Variants in ZNF566 observed in about 807,000 individuals in gnomAD.
ZNF566 encodes zinc finger protein 566.
In ZNF566, 27 loss-of-function variants were observed where a neutral mutation model predicts 32.8. That is an observed-to-expected ratio of 0.82 (90% confidence interval 0.61 to 1.14). The LOEUF (loss-of-function observed/expected upper bound fraction) is 1.14. ZNF566 is among the 50% of genes most tolerant of loss of function. The probability of loss-of-function intolerance (pLI) is 0.00; values close to 1 mark genes in which losing one functional copy is unlikely to be tolerated. For missense variants in ZNF566, 402 were observed against 490.4 expected (o/e 0.82, Z 1.70); for synonymous variants, 154 against 159.5 (o/e 0.97, Z 0.26).
intron 1 of ZNF566, among the ~76,000 whole-genome samples, chr19:36,477,418 T>G (rs2033915746): frequency 6.6e-6 from 1 of 152,186 alleles, no homozygotes; most frequent in East Asian, 1.9e-4. Flanking sequence ...ATATGTCATT[T>G]TACCTGTATA....
chr19:36,448,004 CT>C lies in ZNF566; in HGVS notation c.*972del, dbSNP rs1347653097. The C allele has an allele frequency of 2.6e-5, 4 of 152,074 alleles. No homozygotes were observed. The highest frequency in any genetic ancestry group is 9.7e-5 in the African/African-American group (4 of 41,428). 9.4% of individuals were successfully genotyped at this position (152,074 alleles called of 1,614,324 possible). ...GCACAATTCTAAGCACTTTATCGAT[CT>C]TAATTCATTTAATCCTCACAAAGCA... On this transcript the variant is annotated 3_prime_UTR_variant, in exon 5 of 5. Transcript: ENST00000452939.
Position 36,449,517 on chromosome 19 carries a change from G to C in ZNF566, c.717C>G (p.Gly239=). Residue 239 remains glycine (G), a synonymous_variant, in exon 5 of 5, where the codon GGC becomes GGG. Coordinates refer to ENST00000452939, the MANE Select transcript of ZNF566 (RefSeq NM_001145344.1). ...CKECGKTFIC[G]SDLTRHHRIH... Reference sequence around the variant, plus strand: ...TTCTGTGATGTCGAGTAAGGTCTGAGCCACAAATAAAGGTTTTTCCACATT... The same window carrying C: ...TTCTGTGATGTCGAGTAAGGTCTGACCCACAAATAAAGGTTTTTCCACATT... 1 of 1,614,092 alleles carries C rather than the reference G, an allele frequency of 6.2e-7. No homozygotes were observed. The highest frequency in any genetic ancestry group is 8.5e-7 in the Non-Finnish European group (1 of 1,180,008).
At chr19:36,474,893 A>G (rs1375957321) in intron 2 of ZNF566, among the ~76,000 whole-genome samples, 1 of 152,220 alleles carries the variant, frequency 6.6e-6, no homozygotes, top group Non-Finnish European at 1.5e-5. Context: ...TTTTGCCTTT[A>G]GAAATTCAGG....
At chr19:36,482,735 C>A (rs1161569293) in intron 1 of ZNF566, among the ~76,000 whole-genome samples, 1 of 152,180 alleles carries the variant, frequency 6.6e-6, no homozygotes, top group African/African-American at 2.4e-5. Flanking sequence ...AGGTTTCTCT[C>A]TGTTGGAAAA....
At chr19:36,456,494 AG>A (rs1257985106) in intron 4 of ZNF566, 1 of 151,192 alleles carries the variant, frequency 6.6e-6, no homozygotes, top group African/African-American at 2.4e-5. Flanking sequence ...CGTAGATTGC[AG>A]TGAGCTGAGA....
At chr19:36,463,819 G>A (rs1038768352) in intron 4 of ZNF566, among the ~76,000 whole-genome samples, 7 of 151,766 alleles carry the variant, frequency 4.6e-5, no homozygotes, top group Middle Eastern at 3.4e-3. Context: ...TCCACCTCCC[G>A]GGTTCAAGCA....
intron 1 of ZNF566, among the ~76,000 whole-genome samples, chr19:36,483,600 AAAAT>A (rs1336035511): frequency 1.3e-5 from 2 of 152,154 alleles, no homozygotes; most frequent in African/African-American, 2.4e-5. Context: ...TTTGAACAGC[AAAAT>A]AAATAAATAA....
chr19:36,478,145 T>C (rs111834417), intron 1 of ZNF566, among the ~76,000 whole-genome samples: 31 of 152,056 alleles, frequency 2.0e-4, no homozygotes, highest in African/African-American at 6.8e-4. Flanking sequence ...CCTCTACCCA[T>C]AGGCACTCAC....
At chr19:36,450,526 C>T (rs1179616703) in intron 4 of ZNF566, among the ~76,000 whole-genome samples, 1 of 152,140 alleles carries the variant, frequency 6.6e-6, no homozygotes, top group Admixed American at 6.6e-5. Flanking sequence ...TGCCTGTAAT[C>T]CCAGCTACTG....
rs111492799 is a variant in ZNF566, at chr19:36,451,564, C to A, written c.233-1563G>T. Among the ~76,000 whole-genome samples, 138 of 152,146 alleles carry A rather than the reference C, an allele frequency of 9.1e-4. 1 individual carries two copies. Among genetic ancestry groups the A allele is most frequent in the African/African-American group, 3.3e-3 (135 of 41,508 alleles). On this transcript the variant is annotated intron_variant, in intron 4 of 4. Coordinates refer to ENST00000452939, the MANE Select transcript of ZNF566 (RefSeq NM_001145344.1). ...CAGAGATACTAGATTCAGTTACATGCGTTTTATACTCAAACTTGAATAATT... is the reference window on the plus strand; with the variant it reads ...CAGAGATACTAGATTCAGTTACATGAGTTTTATACTCAAACTTGAATAATT...
chr19:36,456,907 T>TG (rs1476174704), intron 4 of ZNF566, among the ~76,000 whole-genome samples: 2 of 152,142 alleles, frequency 1.3e-5, no homozygotes, highest in Non-Finnish European at 2.9e-5. Context: ...AAAATTCATA[T>TG]GGAACCATAA....
Position 36,449,386 on chromosome 19 carries a change from T to C in ZNF566, c.848A>G (p.Tyr283Cys). 5.6e-6 allele frequency: 9 copies of C among 1,614,184 alleles called. No individual in the cohort carries two copies. The highest frequency in any genetic ancestry group is 7.6e-6 in the Non-Finnish European group (9 of 1,180,024). Residue 283 changes from tyrosine (Y) to cysteine (C), a missense_variant, in exon 5 of 5, where the codon TAT (tyrosine) becomes TGT (cysteine). This residue lies in a region of ZNF566 where 135 missense variants were observed against 210.0 expected (regional missense o/e 0.64). Transcript: ENST00000452939. ...GGCCTTCCCGCATTCTTTGCATTCA[T>C]AAGGCTTCTCACCTGTGTGAATTCT... ...HQRIHTGEKP[Y>C]ECKECGKAFS... is the part of the protein sequence containing the mutation.
intron 4 of ZNF566, among the ~76,000 whole-genome samples, chr19:36,471,146 G>A (rs528984055): frequency 1.3e-4 from 19 of 151,222 alleles, no homozygotes; most frequent in Middle Eastern, 3.4e-3. Flanking sequence ...CCTGGGAAGC[G>A]GAGGTTGCAG....
At chr19:36,486,687 A>AG (rs1226654085) in intron 1 of ZNF566, among the ~76,000 whole-genome samples, 1 of 151,452 alleles carries the variant, frequency 6.6e-6, no homozygotes, top group Non-Finnish European at 1.5e-5. Flanking sequence ...AAAAAAAAAA[A>AG]AATGAAAGAA....
intron 4 of ZNF566, among the ~76,000 whole-genome samples, chr19:36,469,826 A>G (rs2033718484): frequency 6.6e-6 from 1 of 152,222 alleles, no homozygotes; most frequent in South Asian, 2.1e-4. Context: ...TTACATAAAG[A>G]ATGCATATAT....
At chr19:36,486,505 C>A (rs1317388593) in intron 1 of ZNF566, among the ~76,000 whole-genome samples, 1 of 151,876 alleles carries the variant, frequency 6.6e-6, no homozygotes, top group Admixed American at 6.6e-5. Flanking sequence ...AACCCTGTGT[C>A]TACTAAAAAT....
Position 36,473,471 on chromosome 19 carries a change from C to A in ZNF566, c.10-13G>T. 6.4e-7 allele frequency: 1 copy of A among 1,559,610 alleles called. No individual in the cohort carries two copies. Among genetic ancestry groups the A allele is most frequent in the Non-Finnish European group, 8.6e-7 (1 of 1,156,332 alleles). ...ACATCACTGACTCCTGGAACAATAA[C>A]CACGTATATGACTTCATTAATTTTT... On this transcript the variant is annotated splice_polypyrimidine_tract_variant and intron_variant, in intron 2 of 4. Coordinates refer to ENST00000452939, the MANE Select transcript of ZNF566 (RefSeq NM_001145344.1).
intron 4 of ZNF566, among the ~76,000 whole-genome samples, chr19:36,471,579 T>C (rs1568524700): frequency 6.6e-6 from 1 of 152,128 alleles, no homozygotes; most frequent in African/African-American, 2.4e-5. Flanking sequence ...TAGTAAGATA[T>C]GGTAAATTTC....
At chr19:36,482,901 G>C (rs1043907770) in intron 1 of ZNF566, among the ~76,000 whole-genome samples, 2 of 152,060 alleles carry the variant, frequency 1.3e-5, no homozygotes, top group African/African-American at 4.8e-5. Context: ...AGACAGAGTC[G>C]GTCTCCTTCT....
Sources: allele counts gnomAD v4.1 joint callset (sites outside exome capture counted in the v4.1 genomes callset), GRCh38; gene constraint gnomAD v4.1.1; regional missense constraint gnomAD v4.1.1; transcripts MANE v1.5; gene names NCBI Gene and HGNC (gene_info 2026-07-23, HGNC 2026-07-21).